Variants in SND1 observed in about 807,000 individuals in gnomAD.
The protein encoded by SND1 is staphylococcal nuclease and tudor domain containing 1.
Under a neutral mutation model 121.7 loss-of-function variants are expected in SND1, and 38 were observed. The observed-to-expected ratio is 0.31, with a 90% CI of 0.24 to 0.41. The LOEUF (loss-of-function observed/expected upper bound fraction) is 0.41, where lower values mean the gene tolerates loss of function less well. Among genes scored for constraint, SND1 ranks in the 10% least tolerant of loss-of-function variants. The probability of loss-of-function intolerance (pLI) is 1.00; values close to 1 mark genes in which losing one functional copy is unlikely to be tolerated. For synonymous variants in SND1, 401 were observed against 447.4 expected (o/e 0.90, Z 1.31); for missense variants, 868 against 1,184.6 (o/e 0.73, Z 3.92).
intron 13 of SND1, among the ~76,000 whole-genome samples, chr7:127,893,649 A>G (rs1223067839): frequency 6.6e-6 from 1 of 152,170 alleles, no homozygotes; most frequent in Non-Finnish European, 1.5e-5. Context: ...CTGGTCATAC[A>G]TAATGAAGTT....
At chr7:127,743,254 G>A (rs1796915458) in intron 10 of SND1, among the ~76,000 whole-genome samples, 1 of 152,214 alleles carries the variant, frequency 6.6e-6, no homozygotes, top group Non-Finnish European at 1.5e-5. Context: ...TTAGGTACAT[G>A]TTTGAATGTT....
At chr7:127,684,137 C>T (rs1795774154) in intron 1 of SND1, among the ~76,000 whole-genome samples, 1 of 152,136 alleles carries the variant, frequency 6.6e-6, no homozygotes, top group African/African-American at 2.4e-5. Flanking sequence ...TTGAGCTTCT[C>T]AGTTTGATTT....
At chr7:127,850,923 C>T (rs1458785096) in intron 12 of SND1, among the ~76,000 whole-genome samples, 1 of 152,214 alleles carries the variant, frequency 6.6e-6, no homozygotes, top group Non-Finnish European at 1.5e-5. Context: ...CCATAAAACA[C>T]TATAAGAAGG....
At chr7:127,872,619 AACACACACGCACAC>A (rs1231119625) in intron 12 of SND1, among the ~76,000 whole-genome samples, 20 of 116,058 alleles carry the variant, frequency 1.7e-4, no homozygotes, top group African/African-American at 7.1e-4. Flanking sequence ...GACCTTTTTT[AACACACACGCACAC>A]ACACACACAC....
intron 15 of SND1, among the ~76,000 whole-genome samples, chr7:127,987,927 A>G (rs888500349): frequency 2.0e-5 from 3 of 147,056 alleles, no homozygotes; most frequent in African/African-American, 8.0e-5. Flanking sequence ...ATAAATGAAT[A>G]CATAAATACT....
intron 9 of SND1, among the ~76,000 whole-genome samples, chr7:127,713,646 A>G (rs965529671): frequency 3.3e-5 from 5 of 152,238 alleles, no homozygotes; most frequent in Non-Finnish European, 5.9e-5. Context: ...CTCTAACTGG[A>G]TGCCTCTGGG....
chr7:128,074,195 C>G (rs1464902584), intron 16 of SND1, among the ~76,000 whole-genome samples: 1 of 152,200 alleles, frequency 6.6e-6, no homozygotes, highest in Admixed American at 6.5e-5. Context: ...CCTCTGCCTG[C>G]TTCTTCACTT....
chr7:127,950,522 A>C (rs899039921), intron 15 of SND1, among the ~76,000 whole-genome samples: 2 of 152,234 alleles, frequency 1.3e-5, no homozygotes, highest in African/African-American at 4.8e-5. Flanking sequence ...TCCTGTCCAC[A>C]TAAATGCTAT....
intron 14 of SND1, among the ~76,000 whole-genome samples, chr7:127,906,545 T>A (rs1281445958): frequency 6.6e-6 from 1 of 152,084 alleles, no homozygotes; most frequent in Non-Finnish European, 1.5e-5. Context: ...GAAAATGCAA[T>A]GAAAACCCGT....
chr7:127,812,457 G>T (rs904455567), intron 11 of SND1, among the ~76,000 whole-genome samples: 1 of 152,236 alleles, frequency 6.6e-6, no homozygotes, highest in Admixed American at 6.5e-5. Flanking sequence ...TACAGACAAT[G>T]TGAAGTCCTC....
intron 14 of SND1, among the ~76,000 whole-genome samples, chr7:127,919,023 G>A (rs1343024950): frequency 6.6e-6 from 1 of 152,018 alleles, no homozygotes; most frequent in African/African-American, 2.4e-5. Flanking sequence ...CTTCTGAATT[G>A]TATAATTATC....
chr7:127,698,759 C>G, intron 3 of SND1, 116 bp from the exon 4 acceptor site: 1 of 789,698 alleles, frequency 1.3e-6, no homozygotes, highest in Non-Finnish European at 2.2e-6. Flanking sequence ...GTGTCCATTT[C>G]TCTGGCAGCA....
chr7:127,763,514 T>C (rs1170748269), intron 10 of SND1, among the ~76,000 whole-genome samples: 1 of 152,106 alleles, frequency 6.6e-6, no homozygotes, highest in Non-Finnish European at 1.5e-5. Context: ...GCCCAGCTAA[T>C]TTTTTTATTT....
chr7:127,964,039 G>A (rs1176985223), intron 15 of SND1, among the ~76,000 whole-genome samples: 2 of 152,182 alleles, frequency 1.3e-5, no homozygotes, highest in South Asian at 2.1e-4. Context: ...TGTTTTGGCT[G>A]CATAAATGTC....
At chr7:127,681,574 A>G (rs1030922627) in intron 1 of SND1, among the ~76,000 whole-genome samples, 2 of 152,196 alleles carry the variant, frequency 1.3e-5, no homozygotes, top group Middle Eastern at 3.2e-3. Flanking sequence ...AAGGCCATGT[A>G]GATTTACAGG....
intron 12 of SND1, among the ~76,000 whole-genome samples, chr7:127,849,764 A>G (rs1799131155): frequency 6.6e-6 from 1 of 151,916 alleles, no homozygotes; most frequent in Non-Finnish European, 1.5e-5. Flanking sequence ...TTTTCTGTTT[A>G]TTTTTCTCAT....
intron 15 of SND1, among the ~76,000 whole-genome samples, chr7:127,965,306 GTGAGAGAGGGCAT>G (rs1801828922): frequency 5.9e-5 from 1 of 16,874 alleles, no homozygotes; most frequent in East Asian, 1.5e-3. Flanking sequence ...AATAGGAGCG[GTGAGAGAGGGCAT>G]CCCTGTCTTG....
chr7:127,776,687 G>C (rs551641386), intron 10 of SND1, among the ~76,000 whole-genome samples: 1 of 152,162 alleles, frequency 6.6e-6, no homozygotes, highest in Non-Finnish European at 1.5e-5. Context: ...AGAGCCTTTT[G>C]TGTGTGTGAT....
intron 12 of SND1, among the ~76,000 whole-genome samples, chr7:127,880,718 T>G (rs1455869579): frequency 3.4e-5 from 5 of 147,902 alleles, no homozygotes; most frequent in Admixed American, 2.0e-4. Flanking sequence ...AATGCAGGGG[T>G]GTGTGTGTGT....
Sources: gnomAD v4.1 joint callset for allele counts (sites outside exome capture counted in the v4.1 genomes callset) on GRCh38, gnomAD v4.1.1 for gene constraint, MANE v1.5 for transcripts, NCBI Gene and HGNC (gene_info 2026-07-23, HGNC 2026-07-21) for gene names.